Variants in SLC2A4 observed in about 807,000 individuals in gnomAD.
The protein encoded by SLC2A4 is solute carrier family 2 member 4.
A neutral mutation model predicts 53.3 loss-of-function variants in SLC2A4; 31 were observed. The observed-to-expected ratio is 0.58, with a 90% CI of 0.44 to 0.78. The LOEUF is 0.78. SLC2A4 is among the 30% of genes least tolerant of loss of function. The pLI, the probability that SLC2A4 is intolerant of heterozygous loss-of-function variation, is 0.00. For synonymous variants in SLC2A4, 276 were observed against 281.9 expected, an observed-to-expected ratio of 0.98 and a Z score of 0.21; for missense variants, 538 against 655.7, an observed-to-expected ratio of 0.82 and a Z score of 1.96.
In SLC2A4 at chr17:7,286,129, T is replaced by G. The variant is rs553170659; in HGVS notation, c.1326+221T>G. On this transcript the variant is annotated intron_variant, in intron 10 of 10. Coordinates refer to ENST00000317370, the MANE Select transcript of SLC2A4 (RefSeq NM_001042.3). ...AAACGCACCAGTGGCATAACTTACC[T>G]TACTCCAAGAATAAAATGATACACT... is the stretch of plus-strand genomic sequence containing the variant. 3.1e-5 allele frequency: 19 copies of G among 612,110 alleles called. No homozygotes were observed. In the African/African-American group the frequency reaches 3.3e-4, roughly 11 times the overall value. The allele number at this position is 612,110 out of a possible 1,614,324, so 37.9% of individuals were successfully genotyped here. A position where few individuals can be genotyped will look rare whatever the true frequency, so the allele number is the denominator to read the frequency against.
chr17:7,282,545 C>T lies in SLC2A4; in HGVS notation c.33+578C>T. ...CCACTGCCACCGCCCCTCACACTAC[C>T]TTCCTGCCCTCCTCCCCTGGGCATG... On this transcript the variant is annotated intron_variant, in intron 1 of 10. Coordinates refer to ENST00000317370, the MANE Select transcript of SLC2A4 (RefSeq NM_001042.3). This position sits in a 1 kb window ranked among gnomAD's most constrained non-coding sequence, Gnocchi z 4.1. 5.1e-6 allele frequency: 2 copies of T among 390,138 alleles called. No homozygotes were observed. The highest frequency in any genetic ancestry group is 5.2e-6 in the Non-Finnish European group (1 of 193,828). 24.2% of individuals were successfully genotyped at this position (390,138 alleles called of 1,614,324 possible).
rs13306763 is a variant in SLC2A4 at position 7,284,577 on chromosome 17, T to G, written c.820T>G (p.Ser274Ala). ...KRKLERERPL[S>A]LLQLLGSRTH... Reference sequence around the variant, plus strand: ...GAAGCTGGAGCGTGAGCGGCCACTGTCCCTGCTCCAGCTCCTGGGCAGCCG... The same window carrying G: ...GAAGCTGGAGCGTGAGCGGCCACTGGCCCTGCTCCAGCTCCTGGGCAGCCG... Residue 274 changes from serine to alanine, a missense_variant, in exon 7 of 11, where the codon TCC (serine) becomes GCC (alanine). Coordinates refer to ENST00000317370, the MANE Select transcript of SLC2A4 (RefSeq NM_001042.3). The surrounding 1 kb of genome is among the most constrained non-coding windows in gnomAD (Gnocchi z 7.5). 37 of 1,614,184 alleles carry G rather than the reference T, an allele frequency of 2.3e-5. No homozygotes were observed. The East Asian group carries it at 8.0e-4, about 35-fold the overall frequency.
Position 7,286,533 on chromosome 17 carries a change from G to C in SLC2A4, c.1434G>C (p.Gln478His), listed in dbSNP as rs2072451865. The stretch of plus-strand genomic sequence containing the variant: ...AAACTCGAGGCCGGACGTTTGACCA[G>C]ATCTCAGCTGCCTTCCACCGGACAC... Reference protein sequence around the residue: ...VPETRGRTFDQISAAFHRTPS... With the variant: ...VPETRGRTFDHISAAFHRTPS... The change falls in exon 11 of 11, where the codon CAG becomes CAC. Residue 478 changes from glutamine (Q) to histidine (H), a missense_variant. Transcript: ENST00000317370. 5 of 1,614,190 alleles carry C rather than the reference G, an allele frequency of 3.1e-6. No homozygotes were observed. The Middle Eastern group carries it at 4.9e-4, about 160-fold the overall frequency.
Position 7,283,915 on chromosome 17 carries a change from C to T in SLC2A4, c.448+53C>T. The T allele has an allele frequency of 6.2e-7, 1 of 1,614,056 alleles. No individual in the cohort carries two copies. The highest frequency in any genetic ancestry group is 1.6e-4 in the Middle Eastern group (1 of 6,062). ...AGCGCCCTGTTCTCTTTCACCATGC[C>T]TGGGCTTTCAGATGGGAATGGACAC... On this transcript the variant is annotated intron_variant, in intron 4 of 10. Transcript: ENST00000317370. This position sits in a 1 kb window ranked among gnomAD's most constrained non-coding sequence, Gnocchi z 5.8.
chr17:7,281,854 C>T lies in SLC2A4; in HGVS notation c.-81C>T, dbSNP rs186924344. On this transcript the variant is annotated 5_prime_UTR_variant, in exon 1 of 11. Transcript: ENST00000317370. ...ACCCCCGCGGCCTCCGCAGGTTCTG[C>T]GCTCCAGGCCGGAGTCAGAGACTCC... 24 of 1,474,470 alleles carry T rather than the reference C, an allele frequency of 1.6e-5. No individual in the cohort carries two copies. In the East Asian group the frequency reaches 5.9e-4, roughly 36 times the overall value. 91.3% of individuals were successfully genotyped at this position (1,474,470 alleles called of 1,614,324 possible).
intron 10 of SLC2A4, 135 bp from the exon 11 acceptor site, chr17:7,286,291 C>T: frequency 2.5e-6 from 2 of 788,284 alleles, no homozygotes; most frequent in East Asian, 2.4e-5. Flanking sequence ...GCTCATTTCC[C>T]TTGTCCCTGG....
In SLC2A4 at chr17:7,282,001, G is replaced by GGGGGGGGGGGGGGCC; in HGVS notation, c.33+34_33+35insGGGGGGGGGGGGGCC. 4 of 535,038 alleles carry GGGGGGGGGGGGGGCC rather than the reference G, an allele frequency of 7.5e-6. No individual in the cohort carries two copies. Among genetic ancestry groups the GGGGGGGGGGGGGGCC allele is most frequent in the Non-Finnish European group, 1.5e-5 (4 of 269,460 alleles). 33.1% of individuals were successfully genotyped at this position (535,038 alleles called of 1,614,324 possible). On this transcript the variant is annotated intron_variant, in intron 1 of 10. Coordinates refer to ENST00000317370, the MANE Select transcript of SLC2A4 (RefSeq NM_001042.3). The surrounding 1 kb of genome is among the most constrained non-coding windows in gnomAD (Gnocchi z 4.1). ...CATCATGAGGGGGCGGGGCGGGGGGGCACGGGTCCCGCTTTTCTTGGGCTG... is the reference window on the plus strand; with the variant it reads ...CATCATGAGGGGGCGGGGCGGGGGGGGGGGGGGGGGGGGCCCACGGGTCCCGCTTTTCTTGGGCTG...
chr17:7,283,968 G>A lies in SLC2A4; in HGVS notation c.449-6G>A, dbSNP rs373543101. ...GCCCTCAGCCCTCTCTTCTTCCCTC[G>A]CCCAGGGCTGACATCAGGGCTGGTG... On this transcript the variant is annotated splice_region_variant and splice_polypyrimidine_tract_variant and intron_variant, in intron 4 of 10. Coordinates refer to ENST00000317370, the MANE Select transcript of SLC2A4 (RefSeq NM_001042.3). The surrounding 1 kb of genome is among the most constrained non-coding windows in gnomAD (Gnocchi z 5.8). 1.7e-5 allele frequency: 28 copies of A among 1,613,148 alleles called. No homozygotes were observed. In the South Asian group the frequency reaches 2.1e-4, roughly 12 times the overall value.
In SLC2A4 at chr17:7,285,062, G is replaced by C. The variant is rs376385199; in HGVS notation, c.1021-26G>C. 50 of 1,608,816 alleles carry C rather than the reference G, an allele frequency of 3.1e-5. No individual in the cohort carries two copies. Among genetic ancestry groups the C allele is most frequent in the Non-Finnish European group, 4.0e-5 (47 of 1,178,146 alleles). ...CCTACTTCCCGTGCCCAAAAGGCTGGGGTCAAGCTCCGACTCTCCCCGCAG... is the reference window on the plus strand; with the variant it reads ...CCTACTTCCCGTGCCCAAAAGGCTGCGGTCAAGCTCCGACTCTCCCCGCAG... On this transcript the variant is annotated intron_variant, in intron 8 of 10. Transcript: ENST00000317370. This position sits in a 1 kb window ranked among gnomAD's most constrained non-coding sequence, Gnocchi z 6.0.
At position 7,282,101 on chromosome 17, in the gene SLC2A4, T is replaced by C; in HGVS notation, c.33+134T>C. 1 of 762,340 alleles carries C rather than the reference T, an allele frequency of 1.3e-6. No individual in the cohort carries two copies. The highest frequency in any genetic ancestry group is 1.7e-5 in the African/African-American group (1 of 58,148). The allele number at this position is 762,340 out of a possible 1,614,324, so 47.2% of individuals were successfully genotyped here. On this transcript the variant is annotated intron_variant, in intron 1 of 10. Coordinates refer to ENST00000317370, the MANE Select transcript of SLC2A4 (RefSeq NM_001042.3). The surrounding 1 kb of genome is among the most constrained non-coding windows in gnomAD (Gnocchi z 4.1). ...GTGAAGGTAGGGGGCTGGCTATTTATACCCGGCCTGGACAACCCGTGACTG... is the reference window on the plus strand; with the variant it reads ...GTGAAGGTAGGGGGCTGGCTATTTACACCCGGCCTGGACAACCCGTGACTG...
In SLC2A4 at chr17:7,283,261, A is replaced by G. The variant is rs778865343; in HGVS notation, c.50A>G (p.Gln17Arg). ...CCTGTTCAGGATGGGGAACCCCCTC[A>G]GCAGCGAGTGACTGGGACCCTGGTC... Reference protein sequence around the residue: ...QIGSEDGEPPQQRVTGTLVLA... With the variant: ...QIGSEDGEPPRQRVTGTLVLA... The change falls in exon 2 of 11, where the codon CAG (glutamine) becomes CGG (arginine). Residue 17 changes from glutamine (Q) to arginine (R), a missense_variant. Transcript: ENST00000317370. This position sits in a 1 kb window ranked among gnomAD's most constrained non-coding sequence, Gnocchi z 5.8. The G allele has an allele frequency of 6.2e-7, 1 of 1,614,054 alleles. No homozygotes were observed. The highest frequency in any genetic ancestry group is 1.7e-5 in the Admixed American group (1 of 60,028).
At position 7,285,066 on chromosome 17, in the gene SLC2A4, C is replaced by G. The variant is rs781241560; in HGVS notation, c.1021-22C>G. The G allele has an allele frequency of 1.2e-6, 2 of 1,608,046 alleles. No individual in the cohort carries two copies. The highest frequency in any genetic ancestry group is 8.5e-7 in the Non-Finnish European group (1 of 1,177,758). Reference sequence around the variant, plus strand: ...CTTCCCGTGCCCAAAAGGCTGGGGTCAAGCTCCGACTCTCCCCGCAGGTGT... The same window carrying G: ...CTTCCCGTGCCCAAAAGGCTGGGGTGAAGCTCCGACTCTCCCCGCAGGTGT... On this transcript the variant is annotated intron_variant, in intron 8 of 10. Transcript: ENST00000317370. This position sits in a 1 kb window ranked among gnomAD's most constrained non-coding sequence, Gnocchi z 6.0.
chr17:7,287,366 T>C lies in SLC2A4; in HGVS notation c.*737T>C, dbSNP rs1357082394. ...GTCTCGATCTCCTGACCTCGTGATCTGCCTGCCTCAGCCTCCCAAAGTGCT... is the reference window on the plus strand; with the variant it reads ...GTCTCGATCTCCTGACCTCGTGATCCGCCTGCCTCAGCCTCCCAAAGTGCT... On this transcript the variant is annotated 3_prime_UTR_variant, in exon 11 of 11. Coordinates refer to ENST00000317370, the MANE Select transcript of SLC2A4 (RefSeq NM_001042.3). 6.6e-6 allele frequency: 1 copy of C among 152,548 alleles called. No homozygotes were observed. The highest frequency in any genetic ancestry group is 1.9e-4 in the East Asian group (1 of 5,198). 9.4% of individuals were successfully genotyped at this position (152,548 alleles called of 1,614,324 possible).
Position 7,285,981 on chromosome 17 carries a change from C to T in SLC2A4, c.1326+73C>T, listed in dbSNP as rs1420637590. The T allele has an allele frequency of 1.9e-5, 27 of 1,401,318 alleles. No individual in the cohort carries two copies. The highest frequency in any genetic ancestry group is 2.5e-5 in the Non-Finnish European group (25 of 1,011,510). The allele number at this position is 1,401,318 out of a possible 1,614,324, so 86.8% of individuals were successfully genotyped here. ...ATCACACAGCTAGCCCACCTGCTTC[C>T]CCGTCAGGGACTCCTCCAGCCACAG... On this transcript the variant is annotated intron_variant, in intron 10 of 10. Coordinates refer to ENST00000317370, the MANE Select transcript of SLC2A4 (RefSeq NM_001042.3). This position sits in a 1 kb window ranked among gnomAD's most constrained non-coding sequence, Gnocchi z 6.0.
At position 7,285,193 on chromosome 17, in the gene SLC2A4, AGG is replaced by A; in HGVS notation, c.1122+5_1122+6del. 6.3e-7 allele frequency: 1 copy of A among 1,589,216 alleles called. No homozygotes were observed. Among genetic ancestry groups the A allele is most frequent in the South Asian group, 1.1e-5 (1 of 87,442 alleles). On this transcript the variant is annotated splice_donor_5th_base_variant and intron_variant, in intron 9 of 10. Coordinates refer to ENST00000317370, the MANE Select transcript of SLC2A4 (RefSeq NM_001042.3). The surrounding 1 kb of genome is among the most constrained non-coding windows in gnomAD (Gnocchi z 6.0). Reference sequence around the variant, plus strand: ...GACTGTGGCTCTGCTCCTGCTGGTAAGGCCTGGAGGCTAGGAGGGGCTAGCAG... The same window carrying A: ...GACTGTGGCTCTGCTCCTGCTGGTAACCTGGAGGCTAGGAGGGGCTAGCAG...
chr17:7,285,504 G>C lies in SLC2A4; in HGVS notation c.1123-201G>C, dbSNP rs1241938256. Among the ~76,000 whole-genome samples, 1 of 152,178 alleles carries C rather than the reference G, an allele frequency of 6.6e-6. No homozygotes were observed. The highest frequency in any genetic ancestry group is 1.5e-5 in the Non-Finnish European group (1 of 68,026). On this transcript the variant is annotated intron_variant, in intron 9 of 10. Coordinates refer to ENST00000317370, the MANE Select transcript of SLC2A4 (RefSeq NM_001042.3). The surrounding 1 kb of genome is among the most constrained non-coding windows in gnomAD (Gnocchi z 6.0). ...GGGAGAGCTGACCGTCATAAGAACT[G>C]AGAGGCCATAACATTTCCTCTGCCT...
intron 10 of SLC2A4, 169 bp downstream of exon 10, chr17:7,286,077 T>C: frequency 1.5e-6 from 1 of 646,952 alleles, no homozygotes. Context: ...GGAGCTGACC[T>C]AGATTGGATA....
chr17:7,284,152 G>A lies in SLC2A4; in HGVS notation c.564+63G>A. On this transcript the variant is annotated intron_variant, in intron 5 of 10. Coordinates refer to ENST00000317370, the MANE Select transcript of SLC2A4 (RefSeq NM_001042.3). The surrounding 1 kb of genome is among the most constrained non-coding windows in gnomAD (Gnocchi z 7.5). ...TTAGAGTGGGGCTCTGGAGAATATG[G>A]TGGGCTTCCAAGGTAAGGCAGAAGG... is the stretch of plus-strand genomic sequence containing the variant. 6.2e-7 allele frequency: 1 copy of A among 1,610,696 alleles called. No individual in the cohort carries two copies. Among genetic ancestry groups the A allele is most frequent in the Non-Finnish European group, 8.5e-7 (1 of 1,178,346 alleles).
Position 7,284,569 on chromosome 17 carries a change from G to A in SLC2A4, c.812G>A (p.Arg271Gln), listed in dbSNP as rs746563991. Residue 271 changes from arginine (R) to glutamine (Q), a missense_variant, in exon 7 of 11, where the codon CGG (arginine) becomes CAG (glutamine). Transcript: ENST00000317370. The surrounding 1 kb of genome is among the most constrained non-coding windows in gnomAD (Gnocchi z 7.5). Reference sequence around the variant, plus strand: ...GAGAAGCGGAAGCTGGAGCGTGAGCGGCCACTGTCCCTGCTCCAGCTCCTG... The same window carrying A: ...GAGAAGCGGAAGCTGGAGCGTGAGCAGCCACTGTCCCTGCTCCAGCTCCTG... ...KDEKRKLERE[R>Q]PLSLLQLLGS... 25 of 1,614,064 alleles carry A rather than the reference G, an allele frequency of 1.5e-5. No individual in the cohort carries two copies. The East Asian group carries it at 2.0e-4, about 13-fold the overall frequency.
Sources: allele counts gnomAD v4.1 joint callset (sites outside exome capture counted in the v4.1 genomes callset), GRCh38; gene constraint gnomAD v4.1.1; non-coding constraint Gnocchi (gnomAD v3.1); transcripts MANE v1.5; gene names NCBI Gene and HGNC (gene_info 2026-07-23, HGNC 2026-07-21).